NRDC: variants seen among roughly 807,000 people sequenced by gnomAD.
The protein encoded by NRDC is nardilysin.
A neutral mutation model predicts 147.1 loss-of-function variants in NRDC; 54 were observed. The ratio of observed to expected loss-of-function variants is 0.37; its 90% CI spans 0.29 to 0.46. The LOEUF (loss-of-function observed/expected upper bound fraction) is 0.46. Ranked by LOEUF, NRDC falls within the 20% of genes least tolerant of loss-of-function variation. The pLI is 1.00. For synonymous variants in NRDC, 440 were observed against 482.1 expected (o/e 0.91, Z 1.14); for missense variants, 1,082 against 1,370.6 (o/e 0.79, Z 3.33).
intron 4 of NRDC, among the ~76,000 whole-genome samples, chr1:51,829,732 A>G (rs910217772): frequency 3.9e-5 from 6 of 152,090 alleles, no homozygotes; most frequent in African/African-American, 1.4e-4. Flanking sequence ...GCTATATGCT[A>G]TATTTGGGTT....
chr1:51,829,521 T>C (rs1680608524), intron 4 of NRDC, among the ~76,000 whole-genome samples: 1 of 152,230 alleles, frequency 6.6e-6, no homozygotes, highest in South Asian at 2.1e-4. Flanking sequence ...TTTCTTCTAA[T>C]GTATCCTTTT....
At chr1:51,873,251 G>A (rs1001033832) in intron 1 of NRDC, among the ~76,000 whole-genome samples, 3 of 151,856 alleles carry the variant, frequency 2.0e-5, no homozygotes, top group Non-Finnish European at 4.4e-5. Context: ...CTCAGTATAC[G>A]TGCTGCCAAA....
intron 2 of NRDC, 177 bp from the exon 3 acceptor site, chr1:51,836,389 C>T (rs1680976245): frequency 1.2e-6 from 2 of 1,613,484 alleles, no homozygotes; most frequent in Non-Finnish European, 8.5e-7. Flanking sequence ...TCAGTTTCAC[C>T]CTGCTGCTCC....
chr1:51,845,090 G>A (rs1201555714), intron 1 of NRDC, among the ~76,000 whole-genome samples: 1 of 152,022 alleles, frequency 6.6e-6, no homozygotes, highest in Non-Finnish European at 1.5e-5. Context: ...ACATAATCTC[G>A]TTCTCATTTA....
intron 1 of NRDC, among the ~76,000 whole-genome samples, chr1:51,863,555 T>C (rs1480735396): frequency 6.6e-6 from 1 of 152,186 alleles, no homozygotes; most frequent in Non-Finnish European, 1.5e-5. Flanking sequence ...ATACTTCCTG[T>C]GCTATAAAAA....
At position 51,848,195 on chromosome 1, in the gene NRDC, G is replaced by A. The variant is rs1177264806; in HGVS notation, c.342-7681C>T. 2.0e-5 allele frequency among the ~76,000 whole-genome samples: 3 copies of A among 152,198 alleles called. 1 individual carries two copies. The highest frequency in any genetic ancestry group is 4.4e-5 in the Non-Finnish European group (3 of 68,034). ...TGTATATAAATAAAAAATAATTACG[G>A]TGGGGCGCGGTGGCCCACGCCTGTA... On this transcript the variant is annotated intron_variant, in intron 1 of 30. Transcript: ENST00000352171.
At chr1:51,794,342 G>A in intron 24 of NRDC, 130 bp downstream of exon 24, 2 of 860,502 alleles carry the variant, frequency 2.3e-6, no homozygotes, top group Non-Finnish European at 3.6e-6. Flanking sequence ...TTTAAATGTA[G>A]TTGCTTCAAG....
Position 51,878,712 on chromosome 1 carries a change from C to G in NRDC, c.-97G>C, listed in dbSNP as rs1683457996. 8.9e-7 allele frequency: 1 copy of G among 1,120,052 alleles called. No individual in the cohort carries two copies. Among genetic ancestry groups the G allele is most frequent in the African/African-American group, 1.5e-5 (1 of 64,912 alleles). 69.4% of individuals were successfully genotyped at this position (1,120,052 alleles called of 1,614,324 possible). A position where few individuals can be genotyped will look rare whatever the true frequency, so the allele number is the denominator to read the frequency against. The stretch of plus-strand genomic sequence containing the variant: ...CGGCCGGCCCTGGTGCTGCCGCAGC[C>G]GCGGGGAACAGGCCTGAACCCCTCC... On this transcript the variant is annotated 5_prime_UTR_variant, in exon 1 of 31. Transcript: ENST00000352171.
intron 14 of NRDC, 45 bp from the exon 15 acceptor site, chr1:51,812,143 A>G (rs1679751716): frequency 4.5e-6 from 6 of 1,323,252 alleles, no homozygotes; most frequent in Non-Finnish European, 5.4e-6. Context: ...CTCCATTATT[A>G]TATTTGATTT....
rs145160962 is a variant in NRDC, at chr1:51,792,091, A to G, written c.2831T>C (p.Met944Thr). The G allele has an allele frequency of 1.9e-6, 3 of 1,613,840 alleles. No homozygotes were observed. The highest frequency in any genetic ancestry group is 2.5e-6 in the Non-Finnish European group (3 of 1,180,022). ...AAGGAAGTCAAAACAAGGTTCTTCCATGTGCATCTGTAATTCAACATACTG... is the reference window on the plus strand; with the variant it reads ...AAGGAAGTCAAAACAAGGTTCTTCCGTGTGCATCTGTAATTCAACATACTG... ...YTLMELLVMH[M>T]EEPCFDFLRT... Residue 944 changes from methionine to threonine, a missense_variant, in exon 26 of 31, where the codon ATG becomes ACG. By Grantham distance (81) the Met-to-Thr change is moderately conservative. Around this residue, in one of 3 missense-constraint regions of NRDC, gnomAD observed 635 missense variants for 923.8 expected, o/e 0.69. Coordinates refer to ENST00000352171, the MANE Select transcript of NRDC (RefSeq NM_001101662.2).
Position 51,814,531 on chromosome 1 carries a change from T to C in NRDC, c.1619+20A>G. ...ATACCAGGACTGGCTCCTGGCCTCA[T>C]TCCAGGAAGTGTTTATTACCTTTTT... On this transcript the variant is annotated intron_variant, in intron 13 of 30. Transcript: ENST00000352171. The C allele has an allele frequency of 6.2e-7, 1 of 1,610,406 alleles. No individual in the cohort carries two copies. The highest frequency in any genetic ancestry group is 1.1e-5 in the South Asian group (1 of 90,990).
intron 1 of NRDC, among the ~76,000 whole-genome samples, chr1:51,847,729 G>A (rs1681723124): frequency 1.3e-5 from 2 of 152,254 alleles, no homozygotes; most frequent in South Asian, 2.1e-4. Flanking sequence ...GTGCAACCCC[G>A]GTTCCCGCCC....
chr1:51,877,714 T>C (rs1166048139), intron 1 of NRDC, among the ~76,000 whole-genome samples: 3 of 152,170 alleles, frequency 2.0e-5, no homozygotes, highest in Non-Finnish European at 4.4e-5. Flanking sequence ...CTCTAATATA[T>C]TCCTGGACGA....
At position 51,789,548 on chromosome 1, in the gene NRDC, AGT is replaced by A. The variant is rs1419667446; in HGVS notation, c.3258+18_3258+19del. 1 of 1,601,904 alleles carries A rather than the reference AGT, an allele frequency of 6.2e-7. No individual in the cohort carries two copies. The highest frequency in any genetic ancestry group is 1.1e-5 in the South Asian group (1 of 90,830). On this transcript the variant is annotated intron_variant, in intron 30 of 30. Coordinates refer to ENST00000352171, the MANE Select transcript of NRDC (RefSeq NM_001101662.2). ...TAAATGACAACCCTAGAATGGATGG[AGT>A]TAGTTAAACATACTCACATGAACGC... is the stretch of plus-strand genomic sequence containing the variant.
At chr1:51,849,271 G>A (rs767458920) in intron 1 of NRDC, among the ~76,000 whole-genome samples, 10 of 151,592 alleles carry the variant, frequency 6.6e-5, no homozygotes, top group Admixed American at 1.3e-4. Flanking sequence ...GGTGGTGAGC[G>A]CCTGTAGTCC....
At chr1:51,870,197 A>G (rs1683015637) in intron 1 of NRDC, among the ~76,000 whole-genome samples, 1 of 152,282 alleles carries the variant, frequency 6.6e-6, no homozygotes, top group African/African-American at 2.4e-5. Context: ...TGAATAAAAC[A>G]GACATGATCT....
intron 1 of NRDC, among the ~76,000 whole-genome samples, chr1:51,843,523 T>C (rs1236315984): frequency 6.6e-6 from 1 of 152,218 alleles, no homozygotes; most frequent in Admixed American, 6.5e-5. Context: ...CTTGACACTT[T>C]GCTAAACATT....
chr1:51,822,234 T>A (rs966244248), intron 7 of NRDC, among the ~76,000 whole-genome samples: 2 of 152,122 alleles, frequency 1.3e-5, no homozygotes, highest in African/African-American at 2.4e-5. Flanking sequence ...TTTCACTAAT[T>A]CTCAATAGAG....
chr1:51,865,976 TA>T (rs2124103559), intron 1 of NRDC, among the ~76,000 whole-genome samples: 1 of 151,342 alleles, frequency 6.6e-6, no homozygotes, highest in South Asian at 2.1e-4. Flanking sequence ...GAAGAATTAC[TA>T]GAACCCAGGA....
Sources: allele counts gnomAD v4.1 joint callset (sites outside exome capture counted in the v4.1 genomes callset), GRCh38; gene constraint gnomAD v4.1.1; regional missense constraint gnomAD v4.1.1; transcripts MANE v1.5; gene names NCBI Gene and HGNC (gene_info 2026-07-23, HGNC 2026-07-21).